VPS13B: variants seen among roughly 807,000 people sequenced by gnomAD.
VPS13B encodes the protein intermembrane lipid transfer protein VPS13B.
VPS13B carries 285 observed loss-of-function variants against 426.4 expected under a neutral mutation model. The ratio of observed to expected loss-of-function variants is 0.67; its 90% CI spans 0.61 to 0.74. The LOEUF is 0.74. VPS13B is among the 30% of genes least tolerant of loss of function. The pLI is 0.00. For missense variants in VPS13B, 4,537 were observed against 4,782.6 expected (o/e 0.95, Z 1.51); for synonymous variants, 1,676 against 1,676.4 (o/e 1.00, Z 0.01).
At chr8:99,273,883 G>A (rs1818747146) in intron 17 of VPS13B, among the ~76,000 whole-genome samples, 1 of 151,904 alleles carries the variant, frequency 6.6e-6, no homozygotes, top group African/African-American at 2.4e-5. Flanking sequence ...AAATCTTATT[G>A]TTTTCTAAAA....
intron 33 of VPS13B, among the ~76,000 whole-genome samples, chr8:99,610,021 C>T (rs945815384): frequency 2.0e-5 from 3 of 152,184 alleles, no homozygotes; most frequent in South Asian, 2.1e-4. Flanking sequence ...CACAAATGCT[C>T]CTCTCACACA....
intron 17 of VPS13B, among the ~76,000 whole-genome samples, chr8:99,224,271 C>T (rs1252670324): frequency 6.6e-6 from 1 of 152,066 alleles, no homozygotes; most frequent in Non-Finnish European, 1.5e-5. Context: ...GAAAAGAATA[C>T]TTCATAGAAA....
intron 39 of VPS13B, among the ~76,000 whole-genome samples, chr8:99,729,383 A>T (rs751976957): frequency 2.6e-5 from 4 of 152,190 alleles, no homozygotes; most frequent in Admixed American, 2.6e-4. Context: ...GGCTATCTGC[A>T]TCTGGAGAAA....
At chr8:99,267,746 A>G (rs1367360174) in intron 17 of VPS13B, among the ~76,000 whole-genome samples, 1 of 152,084 alleles carries the variant, frequency 6.6e-6, no homozygotes, top group African/African-American at 2.4e-5. Context: ...GAAAAAAGAA[A>G]AAAGAAAAAC....
intron 23 of VPS13B, among the ~76,000 whole-genome samples, chr8:99,455,018 C>G (rs892490531): frequency 2.1e-4 from 32 of 152,116 alleles, no homozygotes; most frequent in African/African-American, 7.0e-4. Flanking sequence ...TAACAGTCCC[C>G]TATCAGATGT....
chr8:99,649,011 A>G (rs887312311), intron 34 of VPS13B, among the ~76,000 whole-genome samples: 1 of 151,156 alleles, frequency 6.6e-6, no homozygotes, highest in Non-Finnish European at 1.5e-5. Context: ...CTGGGTTGAC[A>G]TGTCTTCTAG....
intron 19 of VPS13B, among the ~76,000 whole-genome samples, chr8:99,290,870 AT>A (rs1819695687): frequency 6.6e-6 from 1 of 152,054 alleles, no homozygotes; most frequent in Non-Finnish European, 1.5e-5. Context: ...GGATTTGAAG[AT>A]TTGAATGGGA....
At chr8:99,599,289 A>G (rs1040383504) in intron 33 of VPS13B, among the ~76,000 whole-genome samples, 4 of 151,498 alleles carry the variant, frequency 2.6e-5, no homozygotes, top group East Asian at 1.9e-4. Context: ...TGTAATTTCC[A>G]TTTCTTCCCA....
chr8:99,061,361 T>C (rs1401823631), intron 3 of VPS13B, among the ~76,000 whole-genome samples: 4 of 150,940 alleles, frequency 2.7e-5, no homozygotes, highest in African/African-American at 9.7e-5. Context: ...TTGAGATGTC[T>C]GGTATTTAGA....
At chr8:99,083,552 C>G (rs1845604428) in intron 3 of VPS13B, among the ~76,000 whole-genome samples, 1 of 146,000 alleles carries the variant, frequency 6.8e-6, no homozygotes, top group Non-Finnish European at 1.5e-5. Context: ...AAAGGGAATG[C>G]TTCCAGTTTT....
intron 5 of VPS13B, among the ~76,000 whole-genome samples, chr8:99,106,674 T>G (rs1431511015): frequency 6.6e-6 from 1 of 152,160 alleles, no homozygotes; most frequent in Non-Finnish European, 1.5e-5. Context: ...TTTTTAAATT[T>G]TTGTATGAAT....
intron 3 of VPS13B, among the ~76,000 whole-genome samples, chr8:99,084,521 C>T (rs1588014487): frequency 1.3e-5 from 2 of 152,144 alleles, no homozygotes; most frequent in East Asian, 3.9e-4. Flanking sequence ...GCTCTTGCTT[C>T]TCTAGTTCTT....
chr8:99,785,361 C>T (rs1812208491), intron 43 of VPS13B, among the ~76,000 whole-genome samples: 1 of 152,048 alleles, frequency 6.6e-6, no homozygotes, highest in African/African-American at 2.4e-5. Context: ...ACATTATACC[C>T]CTTGGGCTCC....
chr8:99,085,066 C>T (rs1208521334), intron 3 of VPS13B, among the ~76,000 whole-genome samples: 1 of 152,028 alleles, frequency 6.6e-6, no homozygotes, highest in Non-Finnish European at 1.5e-5. Context: ...TAACATCTCC[C>T]ATTATTATTG....
chr8:99,558,157 A>G (rs559527473), intron 31 of VPS13B, among the ~76,000 whole-genome samples: 1 of 152,294 alleles, frequency 6.6e-6, no homozygotes, highest in African/African-American at 2.4e-5. Context: ...TTATCACTTT[A>G]CCCAGTTTAT....
At chr8:99,298,022 A>G (rs1292846626) in intron 19 of VPS13B, among the ~76,000 whole-genome samples, 1 of 152,194 alleles carries the variant, frequency 6.6e-6, no homozygotes, top group Non-Finnish European at 1.5e-5. Flanking sequence ...AGCTTGCCTG[A>G]CAGTAACTTT....
intron 35 of VPS13B, among the ~76,000 whole-genome samples, chr8:99,662,316 C>G (rs182055903): frequency 1.3e-5 from 2 of 152,156 alleles, no homozygotes; most frequent in East Asian, 3.9e-4. Context: ...TCCGTATAGT[C>G]TTAGCTATTT....
At chr8:99,550,696 A>T (rs1162308859) in intron 30 of VPS13B, among the ~76,000 whole-genome samples, 2 of 152,088 alleles carry the variant, frequency 1.3e-5, no homozygotes, top group African/African-American at 2.4e-5. Context: ...TTTAGACAAT[A>T]AATTATCCTG....
chr8:99,389,063 C>T (rs1450017735), intron 20 of VPS13B, among the ~76,000 whole-genome samples: 5 of 151,968 alleles, frequency 3.3e-5, no homozygotes, highest in African/African-American at 7.3e-5. Context: ...GCAGGAGAAT[C>T]GCTTGAACCC....
Sources: allele counts gnomAD v4.1 joint callset (sites outside exome capture counted in the v4.1 genomes callset), GRCh38; gene constraint gnomAD v4.1.1; transcripts MANE v1.5; gene names NCBI Gene and HGNC (gene_info 2026-07-23, HGNC 2026-07-21).